The following STAB2 variants were observed in gnomAD, a reference collection of about 807,000 sequenced individuals.
The protein encoded by STAB2 is stabilin 2.
A neutral mutation model predicts 338.1 loss-of-function variants in STAB2; 288 were observed. The ratio of observed to expected loss-of-function variants is 0.85; its 90% confidence interval spans 0.77 to 0.94. The LOEUF is 0.94. Ranked by LOEUF, STAB2 falls within the 40% of genes least tolerant of loss-of-function variation. The pLI, the probability that STAB2 is intolerant of heterozygous loss-of-function variation, is 0.00. For synonymous variants in STAB2, 1,202 were observed against 1,193.3 expected (o/e 1.01, Z -0.15); for missense variants, 3,141 against 3,210.1 (o/e 0.98, Z 0.52).
intron 44 of STAB2, among the ~76,000 whole-genome samples, chr12:103,721,416 A>G (rs1157588074): frequency 6.6e-6 from 1 of 152,228 alleles, no homozygotes; most frequent in East Asian, 1.9e-4. Context: ...TAAAGGGAAT[A>G]AAAGGGAGGT....
At chr12:103,637,625 C>T (rs1036302348) in intron 7 of STAB2, among the ~76,000 whole-genome samples, 26 of 152,072 alleles carry the variant, frequency 1.7e-4, no homozygotes, top group Non-Finnish European at 1.6e-4. Flanking sequence ...TTTAACCTGC[C>T]GTGTCTCAGT....
At chr12:103,757,093 G>T in intron 63 of STAB2, among the ~76,000 whole-genome samples, 1 of 147,038 alleles carries the variant, frequency 6.8e-6, no homozygotes, top group East Asian at 2.0e-4. Context: ...TATATATTTT[G>T]TTTGTTTGTT....
chr12:103,692,465 C>T (rs941709066), intron 30 of STAB2, among the ~76,000 whole-genome samples: 3 of 152,146 alleles, frequency 2.0e-5, no homozygotes, highest in Non-Finnish European at 2.9e-5. Flanking sequence ...TAATGAGCCT[C>T]GAACAGCACT....
chr12:103,759,870 C>A (rs1223484000), intron 65 of STAB2, among the ~76,000 whole-genome samples: 1 of 152,132 alleles, frequency 6.6e-6, no homozygotes, highest in African/African-American at 2.4e-5. Context: ...TCAAGGGAAC[C>A]CTCATATGGA....
At chr12:103,753,391 C>T (rs373916641) in intron 61 of STAB2, 38 bp downstream of exon 61, 24 of 1,613,726 alleles carry the variant, frequency 1.5e-5, no homozygotes, top group Middle Eastern at 1.7e-4. Flanking sequence ...CAGACAGAGT[C>T]TGCAGGGGCG....
intron 25 of STAB2, among the ~76,000 whole-genome samples, 180 bp downstream of exon 25, chr12:103,677,791 G>A (rs190919193): frequency 6.6e-6 from 1 of 152,288 alleles, no homozygotes; most frequent in East Asian, 1.9e-4. Context: ...CCATCTTATA[G>A]AAAAGGAAAT....
chr12:103,652,484 G>A (rs1873815180), intron 11 of STAB2, 72 bp from the exon 12 acceptor site: 4 of 1,403,760 alleles, frequency 2.8e-6, no homozygotes, highest in African/African-American at 2.9e-5. Context: ...TTGATAATAA[G>A]TAAGGCACAG....
chr12:103,595,439 T>G (rs193188583), intron 3 of STAB2, among the ~76,000 whole-genome samples: 1 of 152,314 alleles, frequency 6.6e-6, no homozygotes, highest in Admixed American at 6.5e-5. Flanking sequence ...CAATTTGTAT[T>G]CTGTCGCATA....
At chr12:103,721,906 C>T (rs550154399) in intron 44 of STAB2, among the ~76,000 whole-genome samples, 4 of 147,308 alleles carry the variant, frequency 2.7e-5, no homozygotes, top group Non-Finnish European at 5.9e-5. Flanking sequence ...GAATCAAGGA[C>T]ACTATCTAGA....
intron 27 of STAB2, among the ~76,000 whole-genome samples, chr12:103,687,353 G>A (rs900263070): frequency 2.6e-5 from 4 of 151,028 alleles, no homozygotes; most frequent in African/African-American, 4.9e-5. Context: ...AAACTATAAC[G>A]CCTTCAAATG....
chr12:103,694,554 C>G (rs1248700381), intron 31 of STAB2, among the ~76,000 whole-genome samples: 1 of 152,096 alleles, frequency 6.6e-6, no homozygotes. Flanking sequence ...AATATGTAAA[C>G]AAATTTGCAT....
intron 19 of STAB2, among the ~76,000 whole-genome samples, chr12:103,667,507 A>G (rs978889190): frequency 2.6e-4 from 39 of 152,202 alleles, no homozygotes; most frequent in African/African-American, 8.2e-4. Flanking sequence ...TTTAATCACC[A>G]TTCTATGATT....
At chr12:103,691,665 G>A (rs1040283245) in intron 30 of STAB2, among the ~76,000 whole-genome samples, 1 of 152,144 alleles carries the variant, frequency 6.6e-6, no homozygotes, top group Non-Finnish European at 1.5e-5. Context: ...AGATTCAGAG[G>A]TAAATCAATC....
intron 3 of STAB2, among the ~76,000 whole-genome samples, chr12:103,597,068 C>T (rs1388107421): frequency 1.3e-5 from 2 of 151,248 alleles, no homozygotes; most frequent in African/African-American, 4.9e-5. Context: ...GAGGCCTGGA[C>T]ATTATTTCTA....
chr12:103,637,274 G>A, intron 7 of STAB2, 38 bp downstream of exon 7: 2 of 1,591,744 alleles, frequency 1.3e-6, no homozygotes, highest in South Asian at 1.2e-5. Context: ...TATTCATTGA[G>A]ATGTTTAGGT....
At chr12:103,704,457 C>A in intron 35 of STAB2, 101 bp from the exon 36 acceptor site, 1 of 1,169,564 alleles carries the variant, frequency 8.6e-7, no homozygotes, top group Non-Finnish European at 1.2e-6. Flanking sequence ...AGATAATCTG[C>A]CTTGATTTTT....
At chr12:103,665,676 G>A (rs1875026730) in intron 18 of STAB2, among the ~76,000 whole-genome samples, 1 of 152,064 alleles carries the variant, frequency 6.6e-6, no homozygotes, top group African/African-American at 2.4e-5. Context: ...CTGGACGTTG[G>A]CCAACACCAA....
At chr12:103,588,729 G>A (rs1481814557) in intron 1 of STAB2, among the ~76,000 whole-genome samples, 1 of 152,068 alleles carries the variant, frequency 6.6e-6, no homozygotes, top group Non-Finnish European at 1.5e-5. Flanking sequence ...AAAAGACAAA[G>A]TACTGTAACC....
chr12:103,647,327 A>AT (rs1873410466), intron 9 of STAB2, among the ~76,000 whole-genome samples: 1 of 152,170 alleles, frequency 6.6e-6, no homozygotes, highest in Admixed American at 6.5e-5. Flanking sequence ...TGGATTAACC[A>AT]TAAAAAAAAA....
Sources: gnomAD v4.1 joint callset for allele counts (sites outside exome capture counted in the v4.1 genomes callset) on GRCh38, gnomAD v4.1.1 for gene constraint, MANE v1.5 for transcripts, NCBI Gene and HGNC (gene_info 2026-07-23, HGNC 2026-07-21) for gene names.